FER: variants seen among roughly 807,000 people sequenced by gnomAD.
FER encodes the protein FER tyrosine kinase.
FER carries 63 observed loss-of-function variants against 111.0 expected under a neutral mutation model. The ratio of observed to expected loss-of-function variants is 0.57; its 90% CI spans 0.46 to 0.70. The LOEUF (loss-of-function observed/expected upper bound fraction) is 0.70. Among genes scored for constraint, FER ranks in the 30% least tolerant of loss-of-function variants. FER has a pLI of 0.00. For synonymous variants in FER, 327 were observed against 313.9 expected (o/e 1.04, Z -0.44); for missense variants, 914 against 954.0 (o/e 0.96, Z 0.55).
chr5:109,071,370 A>G (rs939844599), intron 16 of FER, among the ~76,000 whole-genome samples: 1 of 152,038 alleles, frequency 6.6e-6, no homozygotes, highest in Admixed American at 6.5e-5. Flanking sequence ...TTTTGGAAAA[A>G]TATCACACAG....
intron 17 of FER, among the ~76,000 whole-genome samples, chr5:109,122,381 A>G (rs1751092283): frequency 6.6e-6 from 1 of 152,200 alleles, no homozygotes; most frequent in Admixed American, 6.5e-5. Flanking sequence ...ATAGTTTCCA[A>G]AATTCTTCTT....
In FER at chr5:108,959,045, TTATC is replaced by T. The variant is rs1364119453; in HGVS notation, c.1534-176_1534-173del. On this transcript the variant is annotated intron_variant, in intron 12 of 19. Transcript: ENST00000281092. ...ATTTTAAAACATGTCAGAGTTTTAT[TTATC>T]TATTTATATTTTTATCATCTTAACC... 3.9e-5 allele frequency among the ~76,000 whole-genome samples: 6 copies of T among 151,924 alleles called. No homozygotes were observed. In the East Asian group the frequency reaches 5.8e-4, roughly 15 times the overall value.
intron 9 of FER, among the ~76,000 whole-genome samples, chr5:108,897,386 A>G (rs1278854975): frequency 9.2e-5 from 14 of 152,194 alleles, no homozygotes; most frequent in African/African-American, 2.4e-5. Flanking sequence ...TGTGAGGTAT[A>G]TAGTTTAGCT....
chr5:108,777,808 G>C (rs1045905829), intron 2 of FER, among the ~76,000 whole-genome samples: 6 of 152,192 alleles, frequency 3.9e-5, no homozygotes, highest in African/African-American at 1.4e-4. Flanking sequence ...CAAAGAGAGA[G>C]CTTCTGTAGA....
chr5:108,819,935 A>T, intron 3 of FER: 1 of 985,346 alleles, frequency 1.0e-6, no homozygotes, highest in Non-Finnish European at 1.2e-6. Flanking sequence ...GAAAGAGAGG[A>T]CTTTGTTTTT....
At chr5:109,005,126 C>G (rs1581611587) in intron 13 of FER, among the ~76,000 whole-genome samples, 1 of 151,776 alleles carries the variant, frequency 6.6e-6, no homozygotes, top group African/African-American at 2.4e-5. Flanking sequence ...ATGGGGCTGC[C>G]CATGACGAGA....
rs143988257 is a variant in FER at position 109,170,134 on chromosome 5, A to C, written c.2049-10613A>C. ...AATTTAGGTCTTAGTGTGACTATGT[A>C]TATCACTTCATGAAATTATAAACCA... On this transcript the variant is annotated intron_variant, in intron 17 of 19. Coordinates refer to ENST00000281092, the MANE Select transcript of FER (RefSeq NM_005246.4). Among the ~76,000 whole-genome samples the C allele has an allele frequency of 4.6e-5, 7 of 152,276 alleles. No homozygotes were observed. In the East Asian group the frequency reaches 9.6e-4, roughly 21 times the overall value.
At chr5:108,843,258 T>C (rs1055816194) in intron 5 of FER, among the ~76,000 whole-genome samples, 1 of 152,214 alleles carries the variant, frequency 6.6e-6, no homozygotes, top group African/African-American at 2.4e-5. Flanking sequence ...TCCTTTTTTA[T>C]GGCTGAGTAG....
chr5:109,061,834 A>G (rs184786907), intron 16 of FER, among the ~76,000 whole-genome samples: 12 of 152,316 alleles, frequency 7.9e-5, no homozygotes, highest in African/African-American at 2.4e-4. Context: ...TCTAAAATGT[A>G]TTATGCAGAG....
At chr5:109,107,156 A>G (rs181646560) in intron 17 of FER, among the ~76,000 whole-genome samples, 1 of 152,272 alleles carries the variant, frequency 6.6e-6, no homozygotes. Context: ...CTGATGTCTC[A>G]TATTCTTCCT....
chr5:108,976,194 C>T (rs1351232919), intron 13 of FER, among the ~76,000 whole-genome samples: 2 of 152,154 alleles, frequency 1.3e-5, no homozygotes, highest in Non-Finnish European at 2.9e-5. Context: ...CTTCCTTTCA[C>T]TCATGTTGCT....
intron 16 of FER, among the ~76,000 whole-genome samples, chr5:109,094,237 G>GTT (rs1747194309): frequency 6.6e-6 from 1 of 151,518 alleles, no homozygotes; most frequent in Non-Finnish European, 1.5e-5. Flanking sequence ...CAAAAACAGA[G>GTT]TGAAAAGTAA....
intron 8 of FER, among the ~76,000 whole-genome samples, chr5:108,876,882 C>G (rs1765143634): frequency 6.6e-6 from 1 of 152,132 alleles, no homozygotes; most frequent in South Asian, 2.1e-4. Context: ...CATTAAGAGA[C>G]TTGCATTACG....
chr5:108,788,218 C>T lies in FER; in HGVS notation c.-59-9906C>T, dbSNP rs1165880295. Among the ~76,000 whole-genome samples the T allele has an allele frequency of 2.0e-5, 3 of 152,234 alleles. No homozygotes were observed. The South Asian group carries it at 6.2e-4, about 32-fold the overall frequency. On this transcript the variant is annotated intron_variant, in intron 2 of 19. Coordinates refer to ENST00000281092, the MANE Select transcript of FER (RefSeq NM_005246.4). ...GCTACGTGTTGTATGTCTGGTCCAACTGCAGCCTTGCACAGAGCCAGCGCC... is the reference window on the plus strand; with the variant it reads ...GCTACGTGTTGTATGTCTGGTCCAATTGCAGCCTTGCACAGAGCCAGCGCC...
intron 13 of FER, among the ~76,000 whole-genome samples, chr5:109,012,648 A>G (rs1447730280): frequency 1.3e-5 from 2 of 152,232 alleles, no homozygotes; most frequent in African/African-American, 4.8e-5. Flanking sequence ...GTAGAACTTG[A>G]TATTGGAGAG....
At chr5:109,067,569 T>C (rs1207100911) in intron 16 of FER, among the ~76,000 whole-genome samples, 1 of 152,144 alleles carries the variant, frequency 6.6e-6, no homozygotes, top group Admixed American at 6.5e-5. Context: ...TTGGAGTTAT[T>C]TACATCAGTA....
chr5:108,966,572 G>A (rs1196943831), intron 13 of FER, among the ~76,000 whole-genome samples: 2 of 151,848 alleles, frequency 1.3e-5, no homozygotes, highest in African/African-American at 4.8e-5. Context: ...GTTTTTAGTA[G>A]AGACGGGGTT....
intron 1 of FER, among the ~76,000 whole-genome samples, chr5:108,760,585 C>T (rs889933222): frequency 2.6e-5 from 4 of 152,170 alleles, no homozygotes; most frequent in African/African-American, 7.2e-5. Flanking sequence ...TGCTGCTTCA[C>T]CTTGCACTTT....
intron 16 of FER, among the ~76,000 whole-genome samples, chr5:109,099,468 A>G (rs1385522997): frequency 6.6e-6 from 1 of 151,642 alleles, no homozygotes; most frequent in South Asian, 2.1e-4. Context: ...CTGTAAATTT[A>G]ATGAAATCTA....
Sources: allele counts gnomAD v4.1 joint callset (sites outside exome capture counted in the v4.1 genomes callset), GRCh38; gene constraint gnomAD v4.1.1; transcripts MANE v1.5; gene names NCBI Gene and HGNC (gene_info 2026-07-23, HGNC 2026-07-21).